TMTC1: variants seen among roughly 807,000 people sequenced by gnomAD.
TMTC1 encodes transmembrane O-mannosyltransferase targeting cadherins 1.
Under a neutral mutation model 104.8 loss-of-function variants are expected in TMTC1, and 73 were observed. The ratio of observed to expected loss-of-function variants is 0.70; its 90% CI spans 0.58 to 0.85. The LOEUF is 0.85. Ranked by LOEUF, TMTC1 falls within the 40% of genes least tolerant of loss-of-function variation. The pLI is 0.00. For missense variants in TMTC1, 1,035 were observed against 1,096.1 expected (o/e 0.94, Z 0.79); for synonymous variants, 434 against 428.7 (o/e 1.01, Z -0.15).
chr12:29,729,693 T>TC (rs930156698), intron 5 of TMTC1, among the ~76,000 whole-genome samples: 2 of 152,102 alleles, frequency 1.3e-5, no homozygotes, highest in Non-Finnish European at 2.9e-5. Flanking sequence ...TTGTAGATAA[T>TC]CCCCCTCCAA....
chr12:29,580,395 C>T (rs1490806138), intron 8 of TMTC1, among the ~76,000 whole-genome samples: 1 of 152,112 alleles, frequency 6.6e-6, no homozygotes, highest in Non-Finnish European at 1.5e-5. Context: ...AAAAATACAT[C>T]ACACAGTGGG....
At chr12:29,700,019 G>A (rs1941540363) in intron 5 of TMTC1, among the ~76,000 whole-genome samples, 1 of 151,760 alleles carries the variant, frequency 6.6e-6, no homozygotes, top group South Asian at 2.1e-4. Context: ...ATATCAGACA[G>A]TATTTTTAAT....
At chr12:29,532,635 C>A (rs1266563945) in intron 11 of TMTC1, 1 of 142,642 alleles carries the variant, frequency 7.0e-6, no homozygotes, top group Admixed American at 7.4e-5. Context: ...TAGTATGGAA[C>A]ACATAAATAT....
intron 9 of TMTC1, among the ~76,000 whole-genome samples, chr12:29,569,677 T>C (rs1469933268): frequency 6.6e-6 from 1 of 152,190 alleles, no homozygotes; most frequent in Non-Finnish European, 1.5e-5. Context: ...GACAATCTAT[T>C]TCTTAAAAAA....
Position 29,556,851 on chromosome 12 carries a change from A to G in TMTC1, c.1676+6T>C. 1 of 1,613,818 alleles carries G rather than the reference A, an allele frequency of 6.2e-7. No individual in the cohort carries two copies. Among genetic ancestry groups the G allele is most frequent in the Non-Finnish European group, 8.5e-7 (1 of 1,179,908 alleles). On this transcript the variant is annotated splice_donor_region_variant and intron_variant, in intron 10 of 17. Transcript: ENST00000539277. ...CCACCTGATCGATGGTAAACGTCCC[A>G]CTTACTTGAGGAGATTCCCCAGATT... is the stretch of plus-strand genomic sequence containing the variant.
intron 10 of TMTC1, among the ~76,000 whole-genome samples, chr12:29,548,408 T>C (rs1944998118): frequency 2.0e-5 from 3 of 152,160 alleles, no homozygotes; most frequent in Admixed American, 2.0e-4. Context: ...GAATTGCAGC[T>C]CCCATAATCC....
chr12:29,567,467 C>A (rs1945548693), intron 9 of TMTC1, among the ~76,000 whole-genome samples: 1 of 152,040 alleles, frequency 6.6e-6, no homozygotes, highest in African/African-American at 2.4e-5. Flanking sequence ...TTAATTAACA[C>A]AGCATATATA....
intron 9 of TMTC1, among the ~76,000 whole-genome samples, chr12:29,569,495 A>C (rs1274731871): frequency 6.6e-6 from 1 of 152,246 alleles, no homozygotes; most frequent in African/African-American, 2.4e-5. Flanking sequence ...CAGATACTCT[A>C]AAGTTGAAGT....
At position 29,757,551 on chromosome 12, in the gene TMTC1, T is replaced by C. The variant is rs78161957; in HGVS notation, c.554+1153A>G. The stretch of plus-strand genomic sequence containing the variant: ...TGGGCTTTGTAAGACTATAGGTCAA[T>C]GAACTGATCCAAAGATCAGGGCCAC... On this transcript the variant is annotated intron_variant, in intron 3 of 17. Transcript: ENST00000539277. 5.2e-3 allele frequency among the ~76,000 whole-genome samples: 790 copies of C among 152,288 alleles called. 4 individuals are homozygous for C. The highest frequency in any genetic ancestry group is 8.8e-3 in the Non-Finnish European group (600 of 68,016).
At chr12:29,508,790 C>A (rs2136127156) in intron 17 of TMTC1, among the ~76,000 whole-genome samples, 1 of 152,164 alleles carries the variant, frequency 6.6e-6, no homozygotes, top group South Asian at 2.1e-4. Flanking sequence ...GTTGGCCAGG[C>A]TGTTCTCAAA....
At chr12:29,642,332 G>A (rs1938890414) in intron 5 of TMTC1, among the ~76,000 whole-genome samples, 1 of 152,152 alleles carries the variant, frequency 6.6e-6, no homozygotes. Context: ...CTTAGGAGCT[G>A]TGAGACACAG....
intron 10 of TMTC1, among the ~76,000 whole-genome samples, chr12:29,547,314 G>A (rs1944968598): frequency 6.6e-6 from 1 of 152,168 alleles, no homozygotes; most frequent in Non-Finnish European, 1.5e-5. Flanking sequence ...AGGAAAGATT[G>A]AGAGAAGATT....
intron 8 of TMTC1, among the ~76,000 whole-genome samples, chr12:29,579,768 T>A (rs1945925058): frequency 6.6e-6 from 1 of 152,176 alleles, no homozygotes; most frequent in Non-Finnish European, 1.5e-5. Context: ...GTTCAGCACA[T>A]AAAACAGCTT....
At chr12:29,632,224 C>A (rs922389243) in intron 6 of TMTC1, among the ~76,000 whole-genome samples, 1 of 152,136 alleles carries the variant, frequency 6.6e-6, no homozygotes, top group Admixed American at 6.5e-5. Context: ...CTAGATCTGA[C>A]AGGATGGAAA....
chr12:29,614,132 CACATGAATATA>C (rs1946917125), intron 6 of TMTC1, among the ~76,000 whole-genome samples: 1 of 152,012 alleles, frequency 6.6e-6, no homozygotes, highest in African/African-American at 2.4e-5. Context: ...AAGGATACTA[CACATGAATATA>C]ACAAGAAGTG....
chr12:29,709,948 T>C (rs143044956), intron 5 of TMTC1, among the ~76,000 whole-genome samples: 16 of 152,150 alleles, frequency 1.1e-4, no homozygotes, highest in African/African-American at 3.9e-4. Flanking sequence ...TCACCATCAT[T>C]TGAGAGAAAA....
intron 14 of TMTC1, 117 bp from the exon 15 acceptor site, chr12:29,516,603 G>A (rs1298469071): frequency 1.6e-6 from 2 of 1,241,986 alleles, no homozygotes; most frequent in Non-Finnish European, 2.2e-6. Context: ...CATCAATTTA[G>A]TGACTCATAG....
intron 8 of TMTC1, 141 bp downstream of exon 8, chr12:29,583,266 T>A (rs1425983570): frequency 1.9e-5 from 14 of 730,304 alleles, no homozygotes; most frequent in Non-Finnish European, 2.9e-5. Flanking sequence ...CACATAAAAT[T>A]ACATCTTCCA....
intron 5 of TMTC1, among the ~76,000 whole-genome samples, chr12:29,744,056 GAT>G (rs1942891979): frequency 1.3e-5 from 2 of 152,208 alleles, no homozygotes; most frequent in Non-Finnish European, 2.9e-5. Context: ...TTGTGACAGT[GAT>G]GGAATTGCAT....
Sources: allele counts gnomAD v4.1 joint callset (sites outside exome capture counted in the v4.1 genomes callset), GRCh38; gene constraint gnomAD v4.1.1; transcripts MANE v1.5; gene names NCBI Gene and HGNC (gene_info 2026-07-23, HGNC 2026-07-21).